The following NHSL2 variants were observed in gnomAD, a reference collection of about 807,000 sequenced individuals.
NHSL2 encodes NHS-like protein 2.
Under a neutral mutation model 53.4 loss-of-function variants are expected in NHSL2, and 27 were observed. The ratio of observed to expected loss-of-function variants is 0.51; its 90% CI spans 0.37 to 0.70. The LOEUF is 0.70. Among genes scored for constraint, NHSL2 ranks in the 30% least tolerant of loss-of-function variants. NHSL2 has a pLI of 0.00. For missense variants in NHSL2, 892 were observed against 980.1 expected (o/e 0.91, Z 1.20); for synonymous variants, 408 against 404.1 (o/e 1.01, Z -0.12).
At chrX:72,109,317 T>G (rs747020422) in intron 1 of NHSL2, among the ~76,000 whole-genome samples, 1 of 112,287 alleles carries the variant, frequency 8.9e-6, no homozygotes, top group African/African-American at 3.2e-5. Flanking sequence ...GTTATTCCCA[T>G]TTTATAGATG....
At chrX:72,102,265 A>C (rs1347672221) in intron 1 of NHSL2, among the ~76,000 whole-genome samples, 2 of 112,133 alleles carry the variant, frequency 1.8e-5, no homozygotes, top group African/African-American at 6.5e-5. Context: ...TCTCCCACTA[A>C]GAAAAGGTGA....
intron 1 of NHSL2, among the ~76,000 whole-genome samples, chrX:72,042,197 G>T (rs1267883696): frequency 8.9e-6 from 1 of 112,722 alleles, no homozygotes; most frequent in Non-Finnish European, 1.9e-5. Flanking sequence ...TTTCTATCCC[G>T]ATCTCTCTCT....
At chrX:71,929,499 C>T (rs1490690114) in intron 1 of NHSL2, among the ~76,000 whole-genome samples, 1 of 112,238 alleles carries the variant, frequency 8.9e-6, no homozygotes, top group African/African-American at 3.2e-5. Flanking sequence ...TACAAGTTCA[C>T]GGGCCTCCTG....
At chrX:71,927,260 G>A (rs1439891397) in intron 1 of NHSL2, among the ~76,000 whole-genome samples, 3 of 112,309 alleles carry the variant, frequency 2.7e-5, no homozygotes, top group African/African-American at 9.7e-5. Context: ...CCGGATCAGA[G>A]GGAGGGACTC....
At chrX:72,142,460 G>A in intron 7 of NHSL2, 96 bp downstream of exon 7, 1 of 700,936 alleles carries the variant, frequency 1.4e-6, no homozygotes, top group Non-Finnish European at 2.0e-6. Context: ...AATTGTAAAA[G>A]AAAAAGAAAA....
intron 1 of NHSL2, among the ~76,000 whole-genome samples, chrX:72,012,099 G>A (rs1035729407): frequency 2.7e-5 from 3 of 111,775 alleles, no homozygotes; most frequent in Non-Finnish European, 3.8e-5. Context: ...GGACTCCATA[G>A]AACAAAACTT....
intron 1 of NHSL2, among the ~76,000 whole-genome samples, chrX:71,931,147 G>A (rs1426832419): frequency 8.9e-6 from 1 of 112,413 alleles, no homozygotes; most frequent in African/African-American, 3.2e-5. Flanking sequence ...CATGTGCCTA[G>A]TGGCCATTTG....
intron 1 of NHSL2, among the ~76,000 whole-genome samples, chrX:71,981,366 C>T (rs1286096921): frequency 8.2e-5 from 9 of 109,926 alleles, no homozygotes; most frequent in African/African-American, 2.0e-4. Context: ...GCAAACATGG[C>T]GAAACCCCAT....
At chrX:72,106,323 A>G (rs937036552) in intron 1 of NHSL2, among the ~76,000 whole-genome samples, 3 of 112,220 alleles carry the variant, frequency 2.7e-5, no homozygotes, top group Non-Finnish European at 5.6e-5. Context: ...TGAAAGACCA[A>G]GTGTGGCCTG....
chrX:72,052,800 C>T (rs1370504801), intron 1 of NHSL2, among the ~76,000 whole-genome samples: 1 of 111,760 alleles, frequency 8.9e-6, no homozygotes, highest in Non-Finnish European at 1.9e-5. Flanking sequence ...CCTGAGCCAT[C>T]CCTCTCTCCA....
intron 1 of NHSL2, chrX:72,027,821 A>G (rs1245984381): frequency 8.7e-6 from 1 of 114,398 alleles, no homozygotes; most frequent in Non-Finnish European, 1.8e-5. Flanking sequence ...TAACCGAGGC[A>G]GGAAGGAGAT....
At chrX:72,127,555 C>A (rs1215461813) in intron 1 of NHSL2, 2 of 110,987 alleles carry the variant, frequency 1.8e-5, no homozygotes, top group African/African-American at 3.3e-5. Context: ...TTTAAGGCAC[C>A]CGTCCTTCAC....
At chrX:71,946,409 G>A (rs898322872) in intron 1 of NHSL2, among the ~76,000 whole-genome samples, 19 of 112,085 alleles carry the variant, frequency 1.7e-4, no homozygotes, top group Non-Finnish European at 2.6e-4. Context: ...AGTGTTTATA[G>A]CAAGGAAGGG....
chrX:71,982,635 A>G (rs2041984740), intron 1 of NHSL2, among the ~76,000 whole-genome samples: 1 of 111,859 alleles, frequency 8.9e-6, no homozygotes, highest in South Asian at 3.8e-4. Flanking sequence ...TGCTTACATA[A>G]TGAAGCCTCC....
intron 1 of NHSL2, among the ~76,000 whole-genome samples, chrX:72,067,696 C>T (rs2042439638): frequency 8.9e-6 from 1 of 112,195 alleles, no homozygotes; most frequent in African/African-American, 3.3e-5. Context: ...TCTGGGACCT[C>T]TATTTCCCAA....
At chrX:72,126,245 G>C (rs1228597019) in intron 1 of NHSL2, among the ~76,000 whole-genome samples, 2 of 111,577 alleles carry the variant, frequency 1.8e-5, no homozygotes, top group African/African-American at 6.5e-5. Flanking sequence ...GCTGGAGGCA[G>C]GGGGGGTAGG....
intron 1 of NHSL2, among the ~76,000 whole-genome samples, chrX:72,093,705 C>G (rs939441284): frequency 3.0e-5 from 3 of 99,342 alleles, no homozygotes; most frequent in African/African-American, 1.2e-4. Context: ...GAATATTCCC[C>G]TAGTATAGCT....
chrX:72,083,203 C>T (rs533090713), intron 1 of NHSL2, among the ~76,000 whole-genome samples: 2 of 112,589 alleles, frequency 1.8e-5, no homozygotes, highest in African/African-American at 6.5e-5. Context: ...TGGAAACCTT[C>T]GCTGAGCCAA....
intron 1 of NHSL2, among the ~76,000 whole-genome samples, chrX:71,911,734 C>T (rs1198680051): frequency 1.8e-5 from 2 of 112,835 alleles, no homozygotes; most frequent in East Asian, 5.7e-4. Context: ...GCGCCGTCCT[C>T]ATCGCCGCGT....
Sources: allele counts gnomAD v4.1 joint callset (sites outside exome capture counted in the v4.1 genomes callset), GRCh38; gene constraint gnomAD v4.1.1; transcripts MANE v1.5; gene names NCBI Gene and HGNC (gene_info 2026-07-23, HGNC 2026-07-21).